Variants in FRMD4A observed in about 807,000 individuals in gnomAD.
FRMD4A encodes the protein FERM domain containing 4A.
A neutral mutation model predicts 129.1 loss-of-function variants in FRMD4A; 29 were observed. The ratio of observed to expected loss-of-function variants is 0.22; its 90% CI spans 0.17 to 0.31. The LOEUF (loss-of-function observed/expected upper bound fraction) is 0.31, where lower values mean the gene tolerates loss of function less well. Ranked by LOEUF, FRMD4A falls within the 10% of genes least tolerant of loss-of-function variation. FRMD4A has a pLI of 1.00. For missense variants in FRMD4A, 1,272 were observed against 1,375.8 expected (o/e 0.92, Z 1.19); for synonymous variants, 634 against 571.6 (o/e 1.11, Z -1.56).
chr10:13,652,302 G>A (rs1044142306), intron 23 of FRMD4A: 5 of 369,164 alleles, frequency 1.4e-5, no homozygotes, highest in Non-Finnish European at 2.5e-5. Flanking sequence ...TGGTGAAATA[G>A]GCAGGTTTCA....
At position 13,782,932 on chromosome 10, in the gene FRMD4A, C is replaced by T; in HGVS notation, c.374G>A (p.Cys125Tyr). The T allele has an allele frequency of 7.1e-7, 1 of 1,404,490 alleles. No individual in the cohort carries two copies. Among genetic ancestry groups the T allele is most frequent in the Non-Finnish European group, 1.0e-6 (1 of 988,496 alleles). 87.0% of individuals were successfully genotyped at this position (1,404,490 alleles called of 1,614,324 possible). The change falls in exon 6 of 25, where the codon TGC becomes TAC. Residue 125 changes from cysteine (C) to tyrosine (Y), a missense_variant. By Grantham distance (194) the Cys-to-Tyr change is radical (BLOSUM62 -2). This residue lies in a region of FRMD4A where 300 missense variants were observed against 483.6 expected (regional missense o/e 0.62). Transcript: ENST00000357447. The stretch of plus-strand genomic sequence containing the variant: ...AGAGGGAGTTCCTACCTTGTAGATG[C>T]AGGACTTCGCGTTCAGAAAGAAAAG... ...IELFFLNAKS[C>Y]IYKELIDVDS...
intron 2 of FRMD4A, among the ~76,000 whole-genome samples, chr10:14,172,571 A>G (rs533242870): frequency 3.9e-5 from 6 of 152,366 alleles, no homozygotes; most frequent in South Asian, 2.1e-4. Context: ...GTTAGGCGCC[A>G]GAGACTGCAC....
intron 12 of FRMD4A, among the ~76,000 whole-genome samples, chr10:13,728,778 G>A (rs1448216324): frequency 6.6e-6 from 1 of 151,640 alleles, no homozygotes; most frequent in Non-Finnish European, 1.5e-5. Context: ...TATCACGTTG[G>A]CCAGGCTGGC....
chr10:13,937,620 T>A (rs2095259463), intron 2 of FRMD4A, among the ~76,000 whole-genome samples: 2 of 152,168 alleles, frequency 1.3e-5, no homozygotes, highest in South Asian at 4.2e-4. Flanking sequence ...CCTTCGTGAG[T>A]AAGCCCTGAG....
intron 2 of FRMD4A, among the ~76,000 whole-genome samples, chr10:14,329,519 A>G (rs955936385): frequency 6.6e-6 from 1 of 152,198 alleles, no homozygotes; most frequent in African/African-American, 2.4e-5. Flanking sequence ...TTGGCCATCA[A>G]TGGTAGATAG....
Position 13,983,251 on chromosome 10 carries a change from T to C in FRMD4A, c.46-124339A>G, listed in dbSNP as rs537347606. Among the ~76,000 whole-genome samples, 6 of 152,334 alleles carry C rather than the reference T, an allele frequency of 3.9e-5. No homozygotes were observed. The East Asian group carries it at 1.2e-3, about 29-fold the overall frequency. On this transcript the variant is annotated intron_variant, in intron 2 of 24. Transcript: ENST00000357447. ...CTTAACCCAAGGCTCAATGTGTTCCTAAATTTGCAAGCAGTCCTCTTCCTC... is the reference window on the plus strand; with the variant it reads ...CTTAACCCAAGGCTCAATGTGTTCCCAAATTTGCAAGCAGTCCTCTTCCTC...
intron 3 of FRMD4A, among the ~76,000 whole-genome samples, chr10:13,827,595 G>T (rs375061705): frequency 6.6e-6 from 1 of 152,212 alleles, no homozygotes; most frequent in Non-Finnish European, 1.5e-5. Flanking sequence ...TTCAGGCAAA[G>T]CGAAACAGCC....
At chr10:14,224,448 T>C (rs1161775655) in intron 2 of FRMD4A, among the ~76,000 whole-genome samples, 1 of 150,862 alleles carries the variant, frequency 6.6e-6, no homozygotes, top group Non-Finnish European at 1.5e-5. Flanking sequence ...CTTTCTTCCC[T>C]CATTTCCACT....
At chr10:14,199,671 T>G (rs1438535392) in intron 2 of FRMD4A, among the ~76,000 whole-genome samples, 1 of 152,230 alleles carries the variant, frequency 6.6e-6, no homozygotes, top group Non-Finnish European at 1.5e-5. Flanking sequence ...AGTACAGGTG[T>G]GTGCCACCGT....
At chr10:13,683,452 T>C (rs928615123) in intron 15 of FRMD4A, among the ~76,000 whole-genome samples, 1 of 150,388 alleles carries the variant, frequency 6.6e-6, no homozygotes, top group Non-Finnish European at 1.5e-5. Flanking sequence ...AAAAAATTAG[T>C]TGGATGTGGT....
At chr10:14,028,031 G>A (rs376893814) in intron 2 of FRMD4A, among the ~76,000 whole-genome samples, 5 of 152,146 alleles carry the variant, frequency 3.3e-5, no homozygotes, top group Admixed American at 2.6e-4. Context: ...GCAAGTTCAC[G>A]GGTGTCAGTG....
intron 2 of FRMD4A, among the ~76,000 whole-genome samples, chr10:14,217,528 C>A (rs757901961): frequency 6.6e-6 from 1 of 152,194 alleles, no homozygotes; most frequent in African/African-American, 2.4e-5. Flanking sequence ...GCCTCCCCAG[C>A]GATGTGGAAC....
intron 4 of FRMD4A, among the ~76,000 whole-genome samples, chr10:13,807,198 A>T (rs2093370222): frequency 6.6e-6 from 1 of 152,174 alleles, no homozygotes; most frequent in Non-Finnish European, 1.5e-5. Context: ...TGCATGTATC[A>T]CCACGATTCA....
At chr10:14,053,213 C>T (rs754733933) in intron 2 of FRMD4A, among the ~76,000 whole-genome samples, 5 of 152,184 alleles carry the variant, frequency 3.3e-5, no homozygotes, top group Admixed American at 6.5e-5. Context: ...GAAAAGAGGT[C>T]ATACACCTGT....
intron 2 of FRMD4A, among the ~76,000 whole-genome samples, chr10:14,157,341 G>C (rs1386229440): frequency 6.6e-6 from 1 of 152,154 alleles, no homozygotes; most frequent in Non-Finnish European, 1.5e-5. Flanking sequence ...TGAGGAATCA[G>C]GTCATCATCG....
At chr10:13,996,123 G>A (rs1014469397) in intron 2 of FRMD4A, among the ~76,000 whole-genome samples, 5 of 152,182 alleles carry the variant, frequency 3.3e-5, no homozygotes, top group Non-Finnish European at 7.3e-5. Flanking sequence ...ATGGTGGAAG[G>A]GACTACTGAG....
At chr10:14,144,951 C>T (rs1840005033) in intron 2 of FRMD4A, among the ~76,000 whole-genome samples, 1 of 152,084 alleles carries the variant, frequency 6.6e-6, no homozygotes, top group Non-Finnish European at 1.5e-5. Flanking sequence ...TCCTTAGAAA[C>T]CATCTACTGC....
intron 2 of FRMD4A, among the ~76,000 whole-genome samples, chr10:14,207,168 T>C (rs1231636312): frequency 1.3e-5 from 2 of 152,042 alleles, no homozygotes; most frequent in Non-Finnish European, 2.9e-5. Context: ...ATACAAACTT[T>C]CCAGGTCATG....
chr10:13,659,533 G>T, intron 20 of FRMD4A, 43 bp from the exon 21 acceptor site: 1 of 1,584,498 alleles, frequency 6.3e-7, no homozygotes, highest in South Asian at 1.1e-5. Context: ...CAGACAGACA[G>T]CACCTTTCCT....
Sources: allele counts gnomAD v4.1 joint callset (sites outside exome capture counted in the v4.1 genomes callset), GRCh38; gene constraint gnomAD v4.1.1; regional missense constraint gnomAD v4.1.1; transcripts MANE v1.5; gene names NCBI Gene and HGNC (gene_info 2026-07-23, HGNC 2026-07-21).